ABCD2: variants seen among roughly 807,000 people sequenced by gnomAD.
ABCD2 encodes ATP-binding cassette sub-family D member 2.
ABCD2 carries 36 observed loss-of-function variants against 70.9 expected under a neutral mutation model. The observed-to-expected ratio is 0.51, with a 90% CI of 0.39 to 0.67. ABCD2 has a LOEUF of 0.67. ABCD2 is among the 30% of genes least tolerant of loss of function. The pLI is 0.00. For missense variants in ABCD2, 729 were observed against 890.2 expected (o/e 0.82, Z 2.30); for synonymous variants, 304 against 306.9 (o/e 0.99, Z 0.10).
intron 6 of ABCD2, among the ~76,000 whole-genome samples, chr12:39,588,239 C>G (rs1941693161): frequency 6.6e-6 from 1 of 152,152 alleles, no homozygotes; most frequent in Non-Finnish European, 1.5e-5. Context: ...AGCATCATTT[C>G]AGTAATGCAA....
chr12:39,619,435 C>T lies in ABCD2; in HGVS notation c.181G>A (p.Glu61Lys). 6 of 1,614,110 alleles carry T rather than the reference C, an allele frequency of 3.7e-6. No individual in the cohort carries two copies. Among genetic ancestry groups the T allele is most frequent in the East Asian group, 2.2e-5 (1 of 44,884 alleles). ...GTGCAATGCAGTATTTCTGTGTTCT[C>T]TGCAGCAGGGTAAGCTGCTGCTTTT... Reference protein sequence around the residue: ...KKKAAAYPAAENTEILHCTET... With the variant: ...KKKAAAYPAAKNTEILHCTET... The change falls in exon 1 of 10, where the codon GAG (glutamate) becomes AAG (lysine). Residue 61 changes from glutamate (E) to lysine (K), a missense_variant. By Grantham distance (56) the Glu-to-Lys change is moderately conservative. Transcript: ENST00000308666.
At chr12:39,599,656 T>G (rs555221813) in intron 6 of ABCD2, among the ~76,000 whole-genome samples, 262 of 152,334 alleles carry the variant, frequency 1.7e-3, no homozygotes, top group African/African-American at 5.7e-3. Context: ...TCTGCCTAAC[T>G]GCTATGTCTG....
At chr12:39,593,523 AT>A (rs1174395246) in intron 6 of ABCD2, among the ~76,000 whole-genome samples, 1 of 152,166 alleles carries the variant, frequency 6.6e-6, no homozygotes, top group African/African-American at 2.4e-5. Context: ...AAGTGCTGGG[AT>A]TACAGTCATG....
chr12:39,587,036 C>A (rs1941675387), intron 6 of ABCD2, among the ~76,000 whole-genome samples: 1 of 152,136 alleles, frequency 6.6e-6, no homozygotes, highest in African/African-American at 2.4e-5. Context: ...ACTGACAGAG[C>A]ATTTGTTGCC....
rs527749861 is a variant in ABCD2 at position 39,551,493 on chromosome 12, A to G, written c.*2419T>C. Reference sequence around the variant, plus strand: ...TAAAATATGGTATACCCATTGGACCATTTGGAAACAATTGAATGGTACATA... The same window carrying G: ...TAAAATATGGTATACCCATTGGACCGTTTGGAAACAATTGAATGGTACATA... On this transcript the variant is annotated 3_prime_UTR_variant, in exon 10 of 10. Transcript: ENST00000308666. 6.6e-6 allele frequency: 1 copy of G among 151,866 alleles called. No homozygotes were observed. The highest frequency in any genetic ancestry group is 6.6e-5 in the Admixed American group (1 of 15,224). 9.4% of individuals were successfully genotyped at this position (151,866 alleles called of 1,614,324 possible).
the ABCD2 span, among the ~76,000 whole-genome samples, chr12:39,534,537 C>T: frequency 1.3e-5 from 2 of 151,898 alleles, no homozygotes; most frequent in African/African-American, 4.8e-5. Context: ...CTAGGCCGGG[C>T]ATGGCAGCTC....
At chr12:39,610,161 A>ATTTT (rs1366074990) in intron 2 of ABCD2, among the ~76,000 whole-genome samples, 1 of 152,198 alleles carries the variant, frequency 6.6e-6, no homozygotes, top group Non-Finnish European at 1.5e-5. Context: ...GAGTAATGCT[A>ATTTT]ATTGAATGAC....
intron 6 of ABCD2, among the ~76,000 whole-genome samples, chr12:39,590,029 T>A (rs753342968): frequency 5.9e-5 from 9 of 152,214 alleles, no homozygotes; most frequent in Non-Finnish European, 5.9e-5. Flanking sequence ...AAATTCGGGA[T>A]GACATTTACT....
chr12:39,557,713 T>C (rs764105122), intron 9 of ABCD2, among the ~76,000 whole-genome samples: 58 of 152,274 alleles, frequency 3.8e-4, no homozygotes, highest in Non-Finnish European at 7.6e-4. Flanking sequence ...GTGGCTAAAA[T>C]GGGCCAAGGT....
At chr12:39,563,907 T>C (rs1941300164) in intron 9 of ABCD2, among the ~76,000 whole-genome samples, 1 of 152,238 alleles carries the variant, frequency 6.6e-6, no homozygotes, top group Non-Finnish European at 1.5e-5. Flanking sequence ...GATAGTTTGC[T>C]GAGAATGATG....
intron 5 of ABCD2, 148 bp downstream of exon 5, chr12:39,603,764 G>C (rs1941932238): frequency 2.1e-6 from 1 of 480,596 alleles, no homozygotes; most frequent in Non-Finnish European, 3.6e-6. Context: ...AGGAATAACT[G>C]CTTCTGTAAT....
chr12:39,532,043 C>T, the ABCD2 span, among the ~76,000 whole-genome samples: 11 of 152,148 alleles, frequency 7.2e-5, no homozygotes, highest in Admixed American at 1.3e-4. Context: ...GGTGGATTAA[C>T]AGGTATTGTG....
chr12:39,548,482 T>C (rs1941048105), downstream of ABCD2, among the ~76,000 whole-genome samples: 1 of 151,962 alleles, frequency 6.6e-6, no homozygotes, highest in Non-Finnish European at 1.5e-5. Context: ...AAGGGGACTT[T>C]GACAATTGCT....
chr12:39,557,955 T>C (rs970368827), intron 9 of ABCD2, among the ~76,000 whole-genome samples: 5 of 152,188 alleles, frequency 3.3e-5, no homozygotes, highest in African/African-American at 1.2e-4. Context: ...CACTGGGGCA[T>C]TGCCTAGTGG....
chr12:39,608,066 G>C (rs897701923), intron 2 of ABCD2, among the ~76,000 whole-genome samples: 1 of 152,110 alleles, frequency 6.6e-6, no homozygotes, highest in African/African-American at 2.4e-5. Flanking sequence ...TCCTTGGGAG[G>C]CTGAGGCAGG....
chr12:39,567,573 A>G (rs1433808971), intron 9 of ABCD2, among the ~76,000 whole-genome samples: 1 of 151,688 alleles, frequency 6.6e-6, no homozygotes, highest in Non-Finnish European at 1.5e-5. Context: ...ATGAGTCTTG[A>G]CTCTTTATCC....
intron 9 of ABCD2, among the ~76,000 whole-genome samples, chr12:39,556,184 C>A (rs1215021594): frequency 6.6e-6 from 1 of 152,116 alleles, no homozygotes; most frequent in Non-Finnish European, 1.5e-5. Context: ...ACCAAATGGA[C>A]AGAATAAAGT....
Position 39,552,779 on chromosome 12 carries a change from G to T in ABCD2, c.*1133C>A, listed in dbSNP as rs139899219. 2 of 151,590 alleles carry T rather than the reference G, an allele frequency of 1.3e-5. No homozygotes were observed. Among genetic ancestry groups the T allele is most frequent in the African/African-American group, 2.4e-5 (1 of 41,302 alleles). 9.4% of individuals were successfully genotyped at this position (151,590 alleles called of 1,614,324 possible). A position where few individuals can be genotyped will look rare whatever the true frequency, so the allele number is the denominator to read the frequency against. ...AAATTTATTTTATTTTCTACACTTC[G>T]TCTAACTTTTATTGCTATTATAGCC... On this transcript the variant is annotated 3_prime_UTR_variant, in exon 10 of 10. Coordinates refer to ENST00000308666, the MANE Select transcript of ABCD2 (RefSeq NM_005164.4).
chr12:39,554,738 G>C (rs1406024710), intron 9 of ABCD2, among the ~76,000 whole-genome samples: 1 of 152,178 alleles, frequency 6.6e-6, no homozygotes, highest in Non-Finnish European at 1.5e-5. Flanking sequence ...CAGAGGTACA[G>C]AGATTATTTT....
Sources: allele counts gnomAD v4.1 joint callset (sites outside exome capture counted in the v4.1 genomes callset), GRCh38; gene constraint gnomAD v4.1.1; transcripts MANE v1.5; gene names NCBI Gene and HGNC (gene_info 2026-07-23, HGNC 2026-07-21).